The following SLC25A42 variants were observed in gnomAD, a reference collection of about 807,000 sequenced individuals.
SLC25A42 encodes mitochondrial coenzyme A transporter SLC25A42.
A neutral mutation model predicts 34.7 loss-of-function variants in SLC25A42; 19 were observed. The observed-to-expected ratio is 0.55, with a 90% confidence interval of 0.38 to 0.80. The LOEUF (loss-of-function observed/expected upper bound fraction) is 0.80. Ranked by LOEUF, SLC25A42 falls within the 30% of genes least tolerant of loss-of-function variation. The probability of loss-of-function intolerance (pLI) is 0.00; values close to 1 mark genes in which losing one functional copy is unlikely to be tolerated. For synonymous variants in SLC25A42, 205 were observed against 191.2 expected, an observed-to-expected ratio of 1.07 and a Z score of -0.59; for missense variants, 364 against 441.3, an observed-to-expected ratio of 0.82 and a Z score of 1.57.
intron 3 of SLC25A42, among the ~76,000 whole-genome samples, chr19:19,103,092 T>A (rs1247207493): frequency 6.6e-6 from 1 of 152,006 alleles, no homozygotes; most frequent in African/African-American, 2.4e-5. Context: ...TTATTTATTT[T>A]TGTTTGTTTG....
chr19:19,100,234 C>T (rs528880645), intron 2 of SLC25A42, among the ~76,000 whole-genome samples: 35 of 152,104 alleles, frequency 2.3e-4, no homozygotes, highest in Non-Finnish European at 3.5e-4. Context: ...TCCAGCTACT[C>T]AGGAGGCTGA....
chr19:19,076,469 T>TA (rs879704086), intron 1 of SLC25A42, among the ~76,000 whole-genome samples: 22 of 151,596 alleles, frequency 1.5e-4, no homozygotes, highest in Non-Finnish European at 2.4e-4. Context: ...GACTCCATCT[T>TA]AAAAAAACAA....
chr19:19,096,101 C>G lies in SLC25A42; in HGVS notation c.-24C>G. ...CCCTTACCCCCCCAGGACCGAGTCT[C>G]CTGCCATTCCGAGCAGGCCTGGTAT... On this transcript the variant is annotated 5_prime_UTR_variant, in exon 2 of 8. Coordinates refer to ENST00000318596, the MANE Select transcript of SLC25A42 (RefSeq NM_178526.5). 6.2e-7 allele frequency: 1 copy of G among 1,610,712 alleles called. No individual in the cohort carries two copies. Among genetic ancestry groups the G allele is most frequent in the Non-Finnish European group, 8.5e-7 (1 of 1,177,154 alleles).
In SLC25A42 at chr19:19,081,183, G is replaced by A. The variant is rs902873333; in HGVS notation, c.-34-14908G>A. ...GGAGGAAGGGAGGGAAAGAGAGGAA[G>A]GGAAGAAGGAGAAATACCCTCCCCA... On this transcript the variant is annotated intron_variant, in intron 1 of 7. Transcript: ENST00000318596. This position sits in a 1 kb window ranked among gnomAD's most constrained non-coding sequence, Gnocchi z 4.5. 4.0e-5 allele frequency among the ~76,000 whole-genome samples: 6 copies of A among 151,576 alleles called. No homozygotes were observed. Among genetic ancestry groups the A allele is most frequent in the African/African-American group, 1.2e-4 (5 of 41,256 alleles).
intron 1 of SLC25A42, among the ~76,000 whole-genome samples, chr19:19,070,297 T>C (rs1244538612): frequency 1.6e-5 from 2 of 126,772 alleles, no homozygotes; most frequent in African/African-American, 6.9e-5. Context: ...GCCTGGCCAT[T>C]TTTTTTTTTT....
chr19:19,110,446 G>A, intron 7 of SLC25A42, 123 bp from the exon 8 acceptor site: 1 of 684,342 alleles, frequency 1.5e-6, no homozygotes. Flanking sequence ...CACACGTGGG[G>A]GTGCAAGTGC....
At position 19,106,234 on chromosome 19, in the gene SLC25A42, A is replaced by C. The variant is rs754439925; in HGVS notation, c.381-35A>C. On this transcript the variant is annotated intron_variant, in intron 5 of 7. Transcript: ENST00000318596. ...GCCTCTGTGCATCTGCAACCCCCTC[A>C]CTGCCGTCTCGCCTTCTCCTCCTGC... is the stretch of plus-strand genomic sequence containing the variant. 1.9e-6 allele frequency: 3 copies of C among 1,572,088 alleles called. No homozygotes were observed. In the South Asian group the frequency reaches 3.3e-5, roughly 18 times the overall value.
At chr19:19,107,395 G>C (rs2145924953) in intron 6 of SLC25A42, among the ~76,000 whole-genome samples, 1 of 151,968 alleles carries the variant, frequency 6.6e-6, no homozygotes, top group East Asian at 1.9e-4. Flanking sequence ...CACTTTGAGA[G>C]GCTGGGGTGG....
At chr19:19,068,148 GT>G (rs1273558134) in intron 1 of SLC25A42, among the ~76,000 whole-genome samples, 4 of 152,062 alleles carry the variant, frequency 2.6e-5, no homozygotes, top group African/African-American at 9.7e-5. Context: ...GAGGTCAGGA[GT>G]TCAAGACCAG....
chr19:19,101,333 G>C (rs546844542), intron 2 of SLC25A42, among the ~76,000 whole-genome samples: 5 of 152,134 alleles, frequency 3.3e-5, no homozygotes, highest in Admixed American at 6.6e-5. Flanking sequence ...TGTGGGAAGG[G>C]ACACGCTGAC....
In SLC25A42 at chr19:19,065,510, G is replaced by C. The variant is rs191650164; in HGVS notation, c.-35+1395G>C. Reference sequence around the variant, plus strand: ...ATAGAAGGAGGACAGTGGCTTTGTTGTTGAAAAGCAATAACGTGCCATTTC... The same window carrying C: ...ATAGAAGGAGGACAGTGGCTTTGTTCTTGAAAAGCAATAACGTGCCATTTC... On this transcript the variant is annotated intron_variant, in intron 1 of 7. Transcript: ENST00000318596. Among the ~76,000 whole-genome samples the C allele has an allele frequency of 4.6e-5, 7 of 152,268 alleles. No homozygotes were observed. In the East Asian group the frequency reaches 5.8e-4, roughly 13 times the overall value.
At chr19:19,084,786 G>T (rs1225914141) in intron 1 of SLC25A42, among the ~76,000 whole-genome samples, 1 of 152,128 alleles carries the variant, frequency 6.6e-6, no homozygotes, top group African/African-American at 2.4e-5. Context: ...TTTAGGTTAA[G>T]CAAAGTCTTG....
intron 3 of SLC25A42, among the ~76,000 whole-genome samples, chr19:19,102,825 C>T (rs547126247): frequency 3.3e-5 from 5 of 152,212 alleles, no homozygotes; most frequent in African/African-American, 1.2e-4. Flanking sequence ...GGGCTGCTGT[C>T]AGAAAGCACC....
chr19:19,110,354 AT>A (rs1263663059), intron 7 of SLC25A42, among the ~76,000 whole-genome samples: 2 of 151,810 alleles, frequency 1.3e-5, no homozygotes, highest in African/African-American at 2.4e-5. Flanking sequence ...CAAAAAAAAA[AT>A]TTTTTTTATT....
chr19:19,070,793 C>T (rs1568506202), intron 1 of SLC25A42, among the ~76,000 whole-genome samples: 1 of 152,142 alleles, frequency 6.6e-6, no homozygotes, highest in Non-Finnish European at 1.5e-5. Flanking sequence ...TTATTTCCAA[C>T]AGGACATTAT....
At chr19:19,090,509 T>C (rs1453639503) in intron 1 of SLC25A42, among the ~76,000 whole-genome samples, 1 of 152,090 alleles carries the variant, frequency 6.6e-6, no homozygotes, top group East Asian at 1.9e-4. Flanking sequence ...ATTAGAGTCA[T>C]GGGCAAATCT....
chr19:19,077,756 G>A (rs1049163827), intron 1 of SLC25A42, among the ~76,000 whole-genome samples: 11 of 152,064 alleles, frequency 7.2e-5, no homozygotes, highest in African/African-American at 2.7e-4. Context: ...GTGTGGTGGT[G>A]CACACCTGTA....
Position 19,098,019 on chromosome 19 carries a change from C to G in SLC25A42, c.81+1814C>G, listed in dbSNP as rs971904329. 3.3e-5 allele frequency among the ~76,000 whole-genome samples: 5 copies of G among 152,176 alleles called. No homozygotes were observed. The South Asian group carries it at 1.0e-3, about 32-fold the overall frequency. On this transcript the variant is annotated intron_variant, in intron 2 of 7. Transcript: ENST00000318596. The stretch of plus-strand genomic sequence containing the variant: ...CACTGTGTTTATGGCCAACATGCAT[C>G]CCATCTGGGATTGCCCACTTTCTCT...
At chr19:19,091,953 C>G (rs146777145) in intron 1 of SLC25A42, among the ~76,000 whole-genome samples, 1 of 152,202 alleles carries the variant, frequency 6.6e-6, no homozygotes, top group Non-Finnish European at 1.5e-5. Context: ...TGCCCTGGGG[C>G]CCTCTTCCTC....
Sources: gnomAD v4.1 joint callset for allele counts (sites outside exome capture counted in the v4.1 genomes callset) on GRCh38, gnomAD v4.1.1 for gene constraint, Gnocchi (gnomAD v3.1) non-coding constraint, MANE v1.5 for transcripts, NCBI Gene and HGNC (gene_info 2026-07-23, HGNC 2026-07-21) for gene names.